The following TTC34 variants were observed in gnomAD, a reference collection of about 807,000 sequenced individuals.
TTC34 encodes tetratricopeptide repeat domain 34.
Under a neutral mutation model 40.7 loss-of-function variants are expected in TTC34, and 44 were observed. That is an observed-to-expected ratio of 1.08 (90% confidence interval 0.85 to 1.39). The LOEUF (loss-of-function observed/expected upper bound fraction) is 1.39, where lower values mean the gene tolerates loss of function less well. Among genes scored for constraint, TTC34 ranks in the 40% most tolerant of loss-of-function variants. The pLI, the probability that TTC34 is intolerant of heterozygous loss-of-function variation, is 0.00. For missense variants in TTC34, 884 were observed against 838.0 expected, an observed-to-expected ratio of 1.05 and a Z score of -0.68; for synonymous variants, 422 against 398.6, an observed-to-expected ratio of 1.06 and a Z score of -0.70.
chr1:2,758,395 C>A (rs1346989688), intron 6 of TTC34, among the ~76,000 whole-genome samples: 13 of 77,594 alleles, frequency 1.7e-4, no homozygotes, highest in South Asian at 1.2e-3. Context: ...AGCACCCATA[C>A]GCCCAGATGA....
In TTC34 at chr1:2,796,033, G is replaced by A. The variant is rs1455909323; in HGVS notation, c.784+4011C>T. On this transcript the variant is annotated intron_variant, in intron 2 of 8. Coordinates refer to ENST00000401095, the Ensembl canonical transcript of TTC34. This position sits in a 1 kb window ranked among gnomAD's most constrained non-coding sequence, Gnocchi z 4.5. ...CCATGAGGGCTCTGCTCTTGTGGGT[G>A]GGATTAATGCAAGTTCAGCCCCTTT... Among the ~76,000 whole-genome samples the A allele has an allele frequency of 2.0e-5, 3 of 152,214 alleles. No homozygotes were observed.
intron 6 of TTC34, among the ~76,000 whole-genome samples, chr1:2,675,560 CACCCCAAG>C (rs1639879709): frequency 7.2e-6 from 1 of 139,578 alleles, no homozygotes; most frequent in Non-Finnish European, 1.6e-5. Flanking sequence ...AGAGCACCCA[CACCCCAAG>C]GCGAGCATCT....
At chr1:2,775,390 A>T (rs1480962375) in intron 6 of TTC34, 1 of 148,074 alleles carries the variant, frequency 6.8e-6, no homozygotes, top group Admixed American at 6.6e-5. Flanking sequence ...AGCACCCTGC[A>T]CCCCCAGTTG....
At chr1:2,691,777 C>T (rs1261019348) in intron 6 of TTC34, among the ~76,000 whole-genome samples, 5 of 96,334 alleles carry the variant, frequency 5.2e-5, no homozygotes, top group Non-Finnish European at 1.2e-4. Flanking sequence ...AATAGCAGCA[C>T]CCACACCCCC....
intron 6 of TTC34, among the ~76,000 whole-genome samples, chr1:2,652,521 A>ACCCGCC (rs1639181639): frequency 2.0e-4 from 2 of 10,002 alleles, no homozygotes; most frequent in Non-Finnish European, 4.4e-4. Flanking sequence ...AACAGCACCC[A>ACCCGCC]CACCTCCAGG....
At chr1:2,790,056 G>A in exon 3 of TTC34, 1 of 397,752 alleles carries the variant, frequency 2.5e-6, no homozygotes, top group East Asian at 3.6e-5. Context: ...AGCAGGACGC[G>A]GAGCGCGCGG....
intron 6 of TTC34, among the ~76,000 whole-genome samples, chr1:2,685,976 GA>G (rs1640321541): frequency 1.7e-5 from 2 of 119,902 alleles, no homozygotes; most frequent in East Asian, 4.9e-4. Context: ...GCGAGCATCT[GA>G]CTGCATGTAT....
chr1:2,785,133 T>G (rs1391804781), intron 5 of TTC34, among the ~76,000 whole-genome samples: 1 of 152,152 alleles, frequency 6.6e-6, no homozygotes, highest in Non-Finnish European at 1.5e-5. Context: ...GCCATCCCCC[T>G]TTGGGAGAGG....
exon 3 of TTC34, chr1:2,789,553 C>G (rs940081811): frequency 6.0e-6 from 9 of 1,491,896 alleles, no homozygotes; most frequent in Non-Finnish European, 8.0e-6. Flanking sequence ...TCCGGCCCTG[C>G]GCTCTGGACG....
chr1:2,774,024 C>G (rs2100561716), intron 6 of TTC34: 2 of 147,970 alleles, frequency 1.4e-5, no homozygotes, highest in Admixed American at 1.4e-4. Flanking sequence ...ACCCCGCACC[C>G]AGGCAAAAAT....
At chr1:2,760,353 G>T (rs1641656623) in intron 6 of TTC34, among the ~76,000 whole-genome samples, 1 of 41,588 alleles carries the variant, frequency 2.4e-5, no homozygotes, top group Admixed American at 2.5e-4. Context: ...GCCTGGAACA[G>T]CACCCCACAC....
chr1:2,789,909 C>T, exon 3 of TTC34: 1 of 396,928 alleles, frequency 2.5e-6, no homozygotes, highest in Admixed American at 4.4e-5. Flanking sequence ...GCACGGTCCC[C>T]CGCAGGGTCC....
At chr1:2,642,231 C>T (rs898586921) in intron 8 of TTC34, among the ~76,000 whole-genome samples, 3 of 152,168 alleles carry the variant, frequency 2.0e-5, no homozygotes, top group Non-Finnish European at 4.4e-5. Context: ...GATTTACCTC[C>T]TCATGGTCCC....
intron 6 of TTC34, among the ~76,000 whole-genome samples, chr1:2,699,379 T>A (rs1336322928): frequency 1.2e-5 from 1 of 83,428 alleles, no homozygotes; most frequent in South Asian, 3.8e-4. Context: ...CACCCGCAGG[T>A]GAGCATCTGA....
At chr1:2,683,711 C>A (rs1453867680) in intron 6 of TTC34, among the ~76,000 whole-genome samples, 1 of 148,410 alleles carries the variant, frequency 6.7e-6, no homozygotes. Context: ...ACAGCACCCA[C>A]ACCCCCAGGT....
At chr1:2,781,083 T>G (rs1643475740) in intron 6 of TTC34, among the ~76,000 whole-genome samples, 1 of 152,192 alleles carries the variant, frequency 6.6e-6, no homozygotes, top group Non-Finnish European at 1.5e-5. Flanking sequence ...ATATGTGAAT[T>G]TTTTTCAATA....
intron 6 of TTC34, among the ~76,000 whole-genome samples, chr1:2,690,129 G>A (rs1481655573): frequency 1.1e-4 from 16 of 147,634 alleles, no homozygotes; most frequent in African/African-American, 3.9e-4. Context: ...GCCTGGAACA[G>A]CACCCACACC....
Position 2,645,375 on chromosome 1 carries a change from AAGG to A in TTC34, c.2412_2414del (p.Leu805del). 8.5e-6 allele frequency: 13 copies of A among 1,534,826 alleles called. No homozygotes were observed. Among genetic ancestry groups the A allele is most frequent in the Non-Finnish European group, 1.1e-5 (13 of 1,146,178 alleles). ...TTTTGATCAGCGCCTCCCCCACAGC[AAGG>A]AGGCCCTGGGTGTCCTTGTCCTCGA... On this transcript the variant is annotated inframe_deletion, in exon 7 of 9. Coordinates refer to ENST00000401095, the Ensembl canonical transcript of TTC34. The surrounding 1 kb of genome is among the most constrained non-coding windows in gnomAD (Gnocchi z 4.7).
At chr1:2,654,255 G>C (rs1639259514) in intron 6 of TTC34, among the ~76,000 whole-genome samples, 1 of 151,616 alleles carries the variant, frequency 6.6e-6, no homozygotes, top group East Asian at 1.9e-4. Context: ...CACACCACCA[G>C]GTGAGCATCT....
Sources: allele counts gnomAD v4.1 joint callset (sites outside exome capture counted in the v4.1 genomes callset), GRCh38; gene constraint gnomAD v4.1.1; non-coding constraint Gnocchi (gnomAD v3.1); transcripts MANE v1.5; gene names NCBI Gene and HGNC (gene_info 2026-07-23, HGNC 2026-07-21).